The following POLE variants were observed in gnomAD, a reference collection of about 807,000 sequenced individuals.
The protein encoded by POLE is DNA polymerase epsilon, catalytic subunit, also known as DNA polymerase epsilon catalytic subunit A.
POLE carries 188 observed loss-of-function variants against 279.2 expected under a neutral mutation model. The observed-to-expected ratio is 0.67, with a 90% CI of 0.60 to 0.76. The LOEUF (loss-of-function observed/expected upper bound fraction) is 0.76. POLE is among the 30% of genes least tolerant of loss of function. POLE has a pLI of 0.00. For synonymous variants in POLE, 1,214 were observed against 1,172.5 expected, an observed-to-expected ratio of 1.04 and a Z score of -0.72; for missense variants, 2,703 against 3,016.7, an observed-to-expected ratio of 0.90 and a Z score of 2.44.
chr12:132,654,471 C>T (rs1384990127), intron 29 of POLE, among the ~76,000 whole-genome samples: 3 of 152,142 alleles, frequency 2.0e-5, no homozygotes, highest in Non-Finnish European at 4.4e-5. Flanking sequence ...CTGTCCGTTC[C>T]ATCTATGTTT....
intron 12 of POLE, among the ~76,000 whole-genome samples, 172 bp from the exon 13 acceptor site, chr12:132,673,879 A>G (rs973312700): frequency 1.3e-5 from 2 of 152,198 alleles, no homozygotes; most frequent in Admixed American, 6.5e-5. Context: ...ACCCTTCATC[A>G]GGATCTAGTT....
intron 25 of POLE, chr12:132,659,750 T>C: frequency 4.1e-6 from 2 of 485,170 alleles, no homozygotes; most frequent in East Asian, 7.6e-5. Flanking sequence ...TGGAGTGCAG[T>C]GGTGCAATCT....
chr12:132,644,228 C>G (rs1207095329), intron 32 of POLE, among the ~76,000 whole-genome samples: 1 of 151,800 alleles, frequency 6.6e-6, no homozygotes, highest in Non-Finnish European at 1.5e-5. Flanking sequence ...GCAGTGTGAT[C>G]ACAGCTCACT....
At position 132,668,692 on chromosome 12, in the gene POLE, T is replaced by C. The variant is rs1374450467; in HGVS notation, c.1969A>G (p.Asn657Asp). 1 of 1,614,054 alleles carries C rather than the reference T, an allele frequency of 6.2e-7. No homozygotes were observed. The highest frequency in any genetic ancestry group is 1.1e-5 in the South Asian group (1 of 91,074). ...CGCTGGCAGTTTGCTCCAGGCTTAT[T>C]GAAGTCACAGGCAGCACAGGTGGCT... is the stretch of plus-strand genomic sequence containing the variant. ...DEATCAACDF[N>D]KPGANCQRKM... is the part of the protein sequence containing the mutation. Residue 657 changes from asparagine (N) to aspartate (D), a missense_variant, in exon 18 of 49, where the codon AAT becomes GAT. Asn to Asp is a conservative substitution (Grantham distance 23, BLOSUM62 1). Transcript: ENST00000320574. This position sits in a 1 kb window ranked among gnomAD's most constrained non-coding sequence, Gnocchi z 4.0.
chr12:132,645,505 G>A (rs903458332), intron 32 of POLE, among the ~76,000 whole-genome samples: 1 of 152,230 alleles, frequency 6.6e-6, no homozygotes, highest in African/African-American at 2.4e-5. Context: ...CAACGCAGCA[G>A]AGGCTCTGGA....
chr12:132,631,321 G>A (rs774116946), intron 45 of POLE, among the ~76,000 whole-genome samples: 3 of 152,134 alleles, frequency 2.0e-5, no homozygotes, highest in Admixed American at 6.5e-5. Flanking sequence ...GTTTTCGGGC[G>A]GTGACTATCC....
At position 132,664,840 on chromosome 12, in the gene POLE, G is replaced by A. The variant is rs1042235517; in HGVS notation, c.2469-378C>T. ...GAGAAAGCCCAGGCCTAGCTGCCAG[G>A]CCCAACCCTCCTCCAGCCTGGGTCC... On this transcript the variant is annotated intron_variant, in intron 21 of 48. Transcript: ENST00000320574. The surrounding 1 kb of genome is among the most constrained non-coding windows in gnomAD (Gnocchi z 5.3). 4.2e-4 allele frequency among the ~76,000 whole-genome samples: 64 copies of A among 151,932 alleles called. 1 individual carries two copies. Among genetic ancestry groups the A allele is most frequent in the Admixed American group, 3.9e-3 (60 of 15,256 alleles).
Position 132,634,046 on chromosome 12 carries a change from C to A in POLE, c.6004+140G>T, listed in dbSNP as rs1377462173. ...CCTGGAGAGGAGGCCCCTCGGCTCA[C>A]AAAGTCCCAACTGCTGGGCAGGCTC... On this transcript the variant is annotated intron_variant, in intron 43 of 48. Coordinates refer to ENST00000320574, the MANE Select transcript of POLE (RefSeq NM_006231.4). This position sits in a 1 kb window ranked among gnomAD's most constrained non-coding sequence, Gnocchi z 4.0. 11 of 763,846 alleles carry A rather than the reference C, an allele frequency of 1.4e-5. No individual in the cohort carries two copies. In the East Asian group the frequency reaches 2.6e-4, roughly 18 times the overall value. 47.3% of individuals were successfully genotyped at this position (763,846 alleles called of 1,614,324 possible).
chr12:132,668,292 G>A lies in POLE; in HGVS notation c.2173+64C>T, dbSNP rs974309903. The A allele has an allele frequency of 6.7e-7, 1 of 1,501,548 alleles. No homozygotes were observed. The highest frequency in any genetic ancestry group is 8.9e-7 in the Non-Finnish European group (1 of 1,126,446). The allele number at this position is 1,501,548 out of a possible 1,614,324, so 93.0% of individuals were successfully genotyped here. Reference sequence around the variant, plus strand: ...AGCTGGGATGGACCAACGCAGCCCAGTAAGAACAGAAAGTGGGAGCAGGAG... The same window carrying A: ...AGCTGGGATGGACCAACGCAGCCCAATAAGAACAGAAAGTGGGAGCAGGAG... On this transcript the variant is annotated intron_variant, in intron 19 of 48. Transcript: ENST00000320574. The surrounding 1 kb of genome is among the most constrained non-coding windows in gnomAD (Gnocchi z 4.0).
rs1272091777 is a variant in POLE, at chr12:132,657,202, C to A, written c.3516G>T (p.Leu1172=). The A allele has an allele frequency of 1.2e-6, 2 of 1,613,880 alleles. No homozygotes were observed. Among genetic ancestry groups the A allele is most frequent in the East Asian group, 4.5e-5 (2 of 44,872 alleles). The change falls in exon 29 of 49, where the codon CTG becomes CTT. Residue 1172 remains leucine, a synonymous_variant. Transcript: ENST00000320574. ...KHPDWLHKKL[L]EKNDVYKQKK... ...TCTGCTTGTAGACATCATTCTTCTC[C>A]AGCAGTTTTTTGTGCAGCCAGTCGG...
chr12:132,625,099 G>A, intron 47 of POLE, 105 bp from the exon 48 acceptor site: 2 of 818,136 alleles, frequency 2.4e-6, no homozygotes, highest in Non-Finnish European at 2.0e-6. Flanking sequence ...CCATCAGTAA[G>A]CCTCGAGCCC....
At position 132,661,281 on chromosome 12, in the gene POLE, G is replaced by C. The variant is rs1344783070; in HGVS notation, c.2865-117C>G. ...TTCCAACCCTCCACCTGTCATCCAC[G>C]AGGCAGCAAACGTCTCTCTCCCTTA... On this transcript the variant is annotated intron_variant, in intron 24 of 48. Coordinates refer to ENST00000320574, the MANE Select transcript of POLE (RefSeq NM_006231.4). This position sits in a 1 kb window ranked among gnomAD's most constrained non-coding sequence, Gnocchi z 4.1. 6.5e-6 allele frequency: 7 copies of C among 1,070,388 alleles called. No homozygotes were observed. The highest frequency in any genetic ancestry group is 9.4e-6 in the Non-Finnish European group (7 of 742,878). The allele number at this position is 1,070,388 out of a possible 1,614,324, so 66.3% of individuals were successfully genotyped here.
At position 132,661,278 on chromosome 12, in the gene POLE, C is replaced by A; in HGVS notation, c.2865-114G>T. The A allele has an allele frequency of 9.3e-7, 1 of 1,074,036 alleles. No homozygotes were observed. The allele number at this position is 1,074,036 out of a possible 1,614,324, so 66.5% of individuals were successfully genotyped here. A position where few individuals can be genotyped will look rare whatever the true frequency, so the allele number is the denominator to read the frequency against. On this transcript the variant is annotated intron_variant, in intron 24 of 48. Coordinates refer to ENST00000320574, the MANE Select transcript of POLE (RefSeq NM_006231.4). The surrounding 1 kb of genome is among the most constrained non-coding windows in gnomAD (Gnocchi z 4.1). ...CCTTTCCAACCCTCCACCTGTCATC[C>A]ACGAGGCAGCAAACGTCTCTCTCCC...
rs1060500856 is a variant in POLE, at chr12:132,661,524, C to T, written c.2864+3G>A. ...TAAAGCACAAAAGCTATGAGAGTCC[C>T]ACCTCTTCTTCAATTTCTTGCCTTC... On this transcript the variant is annotated splice_donor_region_variant and intron_variant, in intron 24 of 48. Transcript: ENST00000320574. This position sits in a 1 kb window ranked among gnomAD's most constrained non-coding sequence, Gnocchi z 4.1. 3 of 1,613,816 alleles carry T rather than the reference C, an allele frequency of 1.9e-6. No homozygotes were observed. Among genetic ancestry groups the T allele is most frequent in the Non-Finnish European group, 2.5e-6 (3 of 1,179,886 alleles).
chr12:132,625,600 C>A, intron 47 of POLE, 45 bp downstream of exon 47: 3 of 1,606,798 alleles, frequency 1.9e-6, no homozygotes, highest in Non-Finnish European at 2.5e-6. Context: ...CAGAAACCCC[C>A]CTGTGGACTC....
At position 132,649,378 on chromosome 12, in the gene POLE, A is replaced by G. The variant is rs533545710; in HGVS notation, c.3933T>C (p.Pro1311=). ...VLRPGAIRDG[P]ATGLGSFLRR... ...GCAAGAAGCTCCCCAGCCCCGTGGC[A>G]GGACCATCCCGGATGGCCCCGGGCC... Residue 1311 remains proline (P), a synonymous_variant, in exon 31 of 49, where the codon CCT becomes CCC. Coordinates refer to ENST00000320574, the MANE Select transcript of POLE (RefSeq NM_006231.4). The G allele has an allele frequency of 1.2e-5, 19 of 1,613,538 alleles. No homozygotes were observed. In the East Asian group the frequency reaches 4.0e-4, roughly 34 times the overall value.
chr12:132,649,193 G>A, intron 31 of POLE, 113 bp downstream of exon 31: 3 of 1,496,498 alleles, frequency 2.0e-6, no homozygotes, highest in Non-Finnish European at 2.7e-6. Flanking sequence ...CGATGGGCAG[G>A]AAACTCCAGG....
chr12:132,643,895 A>G lies in POLE; in HGVS notation c.4232T>C (p.Ile1411Thr), dbSNP rs745660649. The G allele has an allele frequency of 1.2e-6, 2 of 1,613,986 alleles. No individual in the cohort carries two copies. Among genetic ancestry groups the G allele is most frequent in the South Asian group, 2.2e-5 (2 of 91,076 alleles). The change falls in exon 33 of 49, where the codon ATC becomes ACC. Residue 1411 changes from isoleucine to threonine, a missense_variant. Transcript: ENST00000320574. ...SVPEDMYQEH[I>T]NEINAELSAP... ...TGACAGCTCAGCGTTGATCTCGTTG[A>G]TGTGTTCCTGGTACATGTCCTCTGG... is the stretch of plus-strand genomic sequence containing the variant.
intron 19 of POLE, among the ~76,000 whole-genome samples, 155 bp from the exon 20 acceptor site, chr12:132,667,803 C>T (rs940173448): frequency 3.9e-5 from 6 of 152,066 alleles, no homozygotes; most frequent in African/African-American, 7.2e-5. Flanking sequence ...AAAAGGTGGG[C>T]GGGCACGGTG....
Sources: allele counts gnomAD v4.1 joint callset (sites outside exome capture counted in the v4.1 genomes callset), GRCh38; gene constraint gnomAD v4.1.1; non-coding constraint Gnocchi (gnomAD v3.1); transcripts MANE v1.5; gene names NCBI Gene and HGNC (gene_info 2026-07-23, HGNC 2026-07-21).